MYO9B: variants seen among roughly 807,000 people sequenced by gnomAD.
The protein encoded by MYO9B is unconventional myosin-IXb.
MYO9B carries 71 observed loss-of-function variants against 229.5 expected under a neutral mutation model. The observed-to-expected ratio is 0.31, with a 90% CI of 0.26 to 0.38. The LOEUF (loss-of-function observed/expected upper bound fraction) is 0.38, where lower values mean the gene tolerates loss of function less well. Among genes scored for constraint, MYO9B ranks in the 10% least tolerant of loss-of-function variants. The probability of loss-of-function intolerance (pLI) is 1.00; values close to 1 mark genes in which losing one functional copy is unlikely to be tolerated. For missense variants in MYO9B, 2,255 were observed against 2,920.5 expected, an observed-to-expected ratio of 0.77 and a Z score of 5.25; for synonymous variants, 1,185 against 1,235.8, an observed-to-expected ratio of 0.96 and a Z score of 0.86.
In MYO9B at chr19:17,154,435, G is replaced by A. The variant is rs45486901; in HGVS notation, c.1199+20G>A. ...GAAGCAGTAAGTGTGCGGGCTCCCG[G>A]GGCCTGTCCCCCAGAGCCTACAGGG... On this transcript the variant is annotated intron_variant, in intron 6 of 39. Coordinates refer to ENST00000682292, the MANE Select transcript of MYO9B (RefSeq NM_004145.4). 2.5e-6 allele frequency: 4 copies of A among 1,594,216 alleles called. No homozygotes were observed. Among genetic ancestry groups the A allele is most frequent in the Non-Finnish European group, 3.4e-6 (4 of 1,166,660 alleles).
At chr19:17,158,549 T>A (rs1402729279) in intron 7 of MYO9B, among the ~76,000 whole-genome samples, 1 of 151,252 alleles carries the variant, frequency 6.6e-6, no homozygotes, top group Non-Finnish European at 1.5e-5. Context: ...GAGCCAAGAT[T>A]GCGCCACTGC....
chr19:17,198,184 C>A lies in MYO9B; in HGVS notation c.4114C>A (p.Pro1372Thr), dbSNP rs2073067825. 1 of 1,613,756 alleles carries A rather than the reference C, an allele frequency of 6.2e-7. No individual in the cohort carries two copies. The highest frequency in any genetic ancestry group is 2.2e-5 in the East Asian group (1 of 44,870). Residue 1372 changes from proline (P) to threonine (T), a missense_variant and splice_region_variant, in exon 24 of 40, where the codon CCT becomes ACT. Pro to Thr is a conservative substitution (Grantham distance 38, BLOSUM62 -1). Transcript: ENST00000682292. Reference sequence around the variant, plus strand: ...AGCCCCCCACTGCACCGTCTTGCAGCCTGCAGCAGAAACCACGGACGGAGA... The same window carrying A: ...AGCCCCCCACTGCACCGTCTTGCAGACTGCAGCAGAAACCACGGACGGAGA... ...KLLPSLAKAQ[P>T]AAETTDGERS...
At chr19:17,107,125 C>T (rs2057799843) in intron 2 of MYO9B, among the ~76,000 whole-genome samples, 1 of 151,994 alleles carries the variant, frequency 6.6e-6, no homozygotes, top group South Asian at 2.1e-4. Context: ...GGTCTCAGCT[C>T]TCAGGAGCTT....
intron 16 of MYO9B, 131 bp downstream of exon 16, chr19:17,183,999 A>C: frequency 1.1e-6 from 1 of 919,060 alleles, no homozygotes; most frequent in Middle Eastern, 2.2e-4. Flanking sequence ...CCAAGAAAAA[A>C]AAAATGTTCT....
chr19:17,200,847 G>A lies in MYO9B; in HGVS notation c.4563+18G>A. The A allele has an allele frequency of 6.2e-7, 1 of 1,609,586 alleles. No individual in the cohort carries two copies. The highest frequency in any genetic ancestry group is 8.5e-7 in the Non-Finnish European group (1 of 1,176,362). ...TCAACAAGGTGGGATCACTAGGCGAGGGCCAGGGGCATGAGGCCCGGTCCC... is the reference window on the plus strand; with the variant it reads ...TCAACAAGGTGGGATCACTAGGCGAAGGCCAGGGGCATGAGGCCCGGTCCC... On this transcript the variant is annotated intron_variant, in intron 26 of 39. Transcript: ENST00000682292.
At chr19:17,210,690 G>A in intron 37 of MYO9B, 25 bp from the exon 38 acceptor site, 1 of 1,517,124 alleles carries the variant, frequency 6.6e-7, no homozygotes, top group East Asian at 2.5e-5. Context: ...AGATGTCAGT[G>A]GGACCCCTTG....
intron 1 of MYO9B, among the ~76,000 whole-genome samples, chr19:17,087,581 G>A (rs2057595513): frequency 6.6e-6 from 1 of 152,184 alleles, no homozygotes; most frequent in Admixed American, 6.5e-5. Context: ...TTCATGTCCT[G>A]GGGCTTCCAT....
At chr19:17,190,635 C>G (rs1444582687) in intron 19 of MYO9B, among the ~76,000 whole-genome samples, 2 of 99,882 alleles carry the variant, frequency 2.0e-5, no homozygotes, top group African/African-American at 9.2e-5. Context: ...GAGACCCCGT[C>G]TCAAAAAAAA....
In MYO9B at chr19:17,078,366, C is replaced by G. The variant is rs555319627; in HGVS notation, c.-59+2492C>G. ...ACCAGCCTGACCAATATGGAGAAAC[C>G]CTGTCTCCACTAAAAATACAAAAAT... On this transcript the variant is annotated intron_variant, in intron 1 of 39. Transcript: ENST00000682292. Among the ~76,000 whole-genome samples, 7 of 152,138 alleles carry G rather than the reference C, an allele frequency of 4.6e-5. No individual in the cohort carries two copies. In the East Asian group the frequency reaches 1.4e-3, roughly 29 times the overall value.
Position 17,182,645 on chromosome 19 carries a change from A to T in MYO9B, c.2334-1184A>T, listed in dbSNP as rs571956853. 9.2e-5 allele frequency among the ~76,000 whole-genome samples: 14 copies of T among 151,984 alleles called. No individual in the cohort carries two copies. In the East Asian group the frequency reaches 2.7e-3, roughly 29 times the overall value. On this transcript the variant is annotated intron_variant, in intron 15 of 39. Coordinates refer to ENST00000682292, the MANE Select transcript of MYO9B (RefSeq NM_004145.4). ...GGTCTTGAACTCCTGACCTCAAATG[A>T]TCCGCCCACCTCGGCCTCAAACTTT...
chr19:17,102,251 C>T lies in MYO9B; in HGVS notation c.534C>T (p.Tyr178=), dbSNP rs571601651. 2.6e-5 allele frequency: 42 copies of T among 1,614,036 alleles called. No individual in the cohort carries two copies. Among genetic ancestry groups the T allele is most frequent in the African/African-American group, 1.9e-4 (14 of 75,056 alleles). Residue 178 remains tyrosine (Y), a synonymous_variant, in exon 2 of 40, where the codon TAC becomes TAT. Coordinates refer to ENST00000682292, the MANE Select transcript of MYO9B (RefSeq NM_004145.4). The part of the protein sequence containing the change: ...HRFLQQKIYT[Y]AGSILVAINP... ...TCCTGCAACAAAAGATCTACACGTA[C>T]GCGGGGAGCATCCTGGTGGCCATCA...
chr19:17,084,926 G>A (rs2057568647), intron 1 of MYO9B, among the ~76,000 whole-genome samples: 2 of 151,928 alleles, frequency 1.3e-5, no homozygotes, highest in South Asian at 4.2e-4. Context: ...AACATGTCTC[G>A]GGACAGAGGT....
chr19:17,171,356 C>G (rs1053143098), intron 11 of MYO9B, among the ~76,000 whole-genome samples: 4 of 152,124 alleles, frequency 2.6e-5, no homozygotes, highest in African/African-American at 9.7e-5. Flanking sequence ...CGGAGCACAA[C>G]AGAGCCCTGC....
intron 1 of MYO9B, among the ~76,000 whole-genome samples, chr19:17,090,118 CTTTT>C (rs59440394): frequency 1.2e-4 from 6 of 49,226 alleles, no homozygotes; most frequent in Non-Finnish European, 2.2e-4. Context: ...TGCTTCCTTC[CTTTT>C]TTTTTTTTTT....
chr19:17,105,319 CAA>C (rs36000160), intron 2 of MYO9B, among the ~76,000 whole-genome samples: 22 of 71,652 alleles, frequency 3.1e-4, no homozygotes, highest in Middle Eastern at 0.01. Context: ...CTGTCTCTAC[CAA>C]AAAAAAAAAA....
intron 18 of MYO9B, among the ~76,000 whole-genome samples, chr19:17,187,686 AAG>A (rs1297219046): frequency 2.0e-5 from 3 of 151,812 alleles, no homozygotes; most frequent in African/African-American, 7.3e-5. Context: ...TCATTCCAGA[AAG>A]AGTGTCTGGA....
chr19:17,211,618 C>T (rs925323420), intron 38 of MYO9B, 29 bp from the exon 39 acceptor site: 3 of 1,567,690 alleles, frequency 1.9e-6, no homozygotes, highest in Non-Finnish European at 2.6e-6. Flanking sequence ...GTGGGGTGGC[C>T]TTGGACACCA....
rs1390499325 is a variant in MYO9B at position 17,091,681 on chromosome 19, G to T, written c.-58-9979G>T. On this transcript the variant is annotated intron_variant, in intron 1 of 39. Coordinates refer to ENST00000682292, the MANE Select transcript of MYO9B (RefSeq NM_004145.4). ...AGGACCAGGCCGATGAGCCTTGCAG[G>T]GGGCACGCCAGCTTGTGGTCCCAGC... 2.0e-5 allele frequency among the ~76,000 whole-genome samples: 3 copies of T among 152,258 alleles called. No homozygotes were observed. The East Asian group carries it at 5.8e-4, about 29-fold the overall frequency.
intron 2 of MYO9B, among the ~76,000 whole-genome samples, chr19:17,131,424 A>T (rs543057167): frequency 6.6e-6 from 1 of 152,178 alleles, no homozygotes; most frequent in Non-Finnish European, 1.5e-5. Context: ...GCACGCCACC[A>T]TGCCCGGCTA....
Sources: allele counts gnomAD v4.1 joint callset (sites outside exome capture counted in the v4.1 genomes callset), GRCh38; gene constraint gnomAD v4.1.1; transcripts MANE v1.5; gene names NCBI Gene and HGNC (gene_info 2026-07-23, HGNC 2026-07-21).